The following PRELID2 variants were observed in gnomAD, a reference collection of about 807,000 sequenced individuals.
PRELID2 encodes PRELI domain-containing protein 2.
PRELID2 carries 25 observed loss-of-function variants against 28.4 expected under a neutral mutation model. That is an observed-to-expected ratio of 0.88 (90% confidence interval 0.64 to 1.23). The LOEUF (loss-of-function observed/expected upper bound fraction) is 1.23, where lower values mean the gene tolerates loss of function less well. PRELID2 is among the 50% of genes most tolerant of loss of function. The pLI, the probability that PRELID2 is intolerant of heterozygous loss-of-function variation, is 0.00. For missense variants in PRELID2, 201 were observed against 214.4 expected, an observed-to-expected ratio of 0.94 and a Z score of 0.39; for synonymous variants, 76 against 71.6, an observed-to-expected ratio of 1.06 and a Z score of -0.31.
intron 1 of PRELID2, among the ~76,000 whole-genome samples, chr5:145,677,230 C>T (rs906958019): frequency 6.9e-6 from 1 of 145,674 alleles, no homozygotes; most frequent in African/African-American, 2.5e-5. Context: ...TCTTGGCTCA[C>T]TGCAATCTCT....
chr5:145,576,327 G>A (rs1753059840), intron 1 of PRELID2, among the ~76,000 whole-genome samples: 1 of 151,906 alleles, frequency 6.6e-6, no homozygotes, highest in African/African-American at 2.4e-5. Context: ...TGTCTCTATG[G>A]GCTTGCCTGT....
chr5:145,229,318 C>A, the PRELID2 span: 1 of 744,356 alleles, frequency 1.3e-6, no homozygotes, highest in South Asian at 1.3e-5. Context: ...CAAAGCAACA[C>A]GGGATTCCCA....
chr5:145,501,802 G>C (rs1234162588), intron 1 of PRELID2, among the ~76,000 whole-genome samples: 1 of 152,170 alleles, frequency 6.6e-6, no homozygotes. Context: ...CCCTGTTGGA[G>C]CAGCTCTCTG....
chr5:145,656,639 A>C (rs1201789548), intron 1 of PRELID2, among the ~76,000 whole-genome samples: 2 of 151,930 alleles, frequency 1.3e-5, no homozygotes, highest in Non-Finnish European at 2.9e-5. Flanking sequence ...ATTCTCAGCA[A>C]ACTATCGCAA....
chr5:145,621,932 T>C (rs1753779893), intron 1 of PRELID2, among the ~76,000 whole-genome samples: 1 of 152,138 alleles, frequency 6.6e-6, no homozygotes, highest in African/African-American at 2.4e-5. Context: ...TGTATTAAAA[T>C]ATCACTTTGT....
intron 1 of PRELID2, among the ~76,000 whole-genome samples, chr5:145,656,358 T>C (rs962828041): frequency 6.6e-6 from 1 of 152,146 alleles, no homozygotes; most frequent in African/African-American, 2.4e-5. Flanking sequence ...TCCTCAATGA[T>C]CTAGAACTAG....
At chr5:145,499,216 C>G (rs1752336929) in intron 1 of PRELID2, among the ~76,000 whole-genome samples, 1 of 151,992 alleles carries the variant, frequency 6.6e-6, no homozygotes, top group Non-Finnish European at 1.5e-5. Context: ...CTACTGCACT[C>G]CAGCCTAGAC....
intron 1 of PRELID2, among the ~76,000 whole-genome samples, chr5:145,714,419 A>AT (rs1477413157): frequency 6.6e-6 from 1 of 152,112 alleles, no homozygotes; most frequent in Non-Finnish European, 1.5e-5. Context: ...TCCCTGAAGT[A>AT]TCTTCCCTCC....
the PRELID2 span, among the ~76,000 whole-genome samples, chr5:145,315,640 A>G: frequency 6.6e-6 from 1 of 151,910 alleles, no homozygotes; most frequent in Non-Finnish European, 1.5e-5. Context: ...ATCCTCACAC[A>G]TATCCACCAA....
intron 1 of PRELID2, among the ~76,000 whole-genome samples, chr5:145,563,486 A>T (rs1752940820): frequency 6.6e-6 from 1 of 152,186 alleles, no homozygotes; most frequent in Non-Finnish European, 1.5e-5. Context: ...TGATAAATGC[A>T]ACATCCTGCT....
At chr5:145,731,115 T>A (rs1175218893) in intron 1 of PRELID2, among the ~76,000 whole-genome samples, 4 of 152,244 alleles carry the variant, frequency 2.6e-5, no homozygotes, top group Non-Finnish European at 5.9e-5. Flanking sequence ...TCGTGTTTCT[T>A]TCCTCTTTAA....
intron 1 of PRELID2, among the ~76,000 whole-genome samples, chr5:145,670,559 G>C (rs1048934410): frequency 6.6e-6 from 1 of 152,152 alleles, no homozygotes; most frequent in Non-Finnish European, 1.5e-5. Context: ...GAGTGCTCAA[G>C]ATATACTGGT....
chr5:145,728,418 C>T (rs1756238210), intron 1 of PRELID2: 1 of 539,482 alleles, frequency 1.9e-6, no homozygotes. Context: ...ACACTTCAAG[C>T]TTCAGCAAGA....
At chr5:145,590,424 A>G (rs913703525) in intron 1 of PRELID2, among the ~76,000 whole-genome samples, 1 of 152,060 alleles carries the variant, frequency 6.6e-6, no homozygotes, top group Non-Finnish European at 1.5e-5. Flanking sequence ...TTATTTATTT[A>G]TTTATTGTTT....
At chr5:145,523,623 G>C (rs554678072) in intron 1 of PRELID2, among the ~76,000 whole-genome samples, 50 of 152,218 alleles carry the variant, frequency 3.3e-4, no homozygotes, top group African/African-American at 1.1e-3. Context: ...GGTTGGGTTG[G>C]GGAGGGGAAG....
chr5:145,340,764 AATATACATATATATATATAT>A, the PRELID2 span, among the ~76,000 whole-genome samples: 1 of 79,212 alleles, frequency 1.3e-5, no homozygotes, highest in Non-Finnish European at 2.5e-5. Flanking sequence ...CCTGCCTAAA[AATATACATATATATATATAT>A]ATATATATAT....
chr5:145,743,199 A>C (rs1756885265), intron 1 of PRELID2, among the ~76,000 whole-genome samples: 1 of 151,992 alleles, frequency 6.6e-6, no homozygotes, highest in Non-Finnish European at 1.5e-5. Flanking sequence ...ACCTGAGGTC[A>C]GGAGTTCAAG....
the PRELID2 span, among the ~76,000 whole-genome samples, chr5:145,407,323 C>A: frequency 6.6e-6 from 1 of 152,162 alleles, no homozygotes; most frequent in African/African-American, 2.4e-5. Context: ...CTGGATAAGG[C>A]CTGTCACTTC....
intron 1 of PRELID2, among the ~76,000 whole-genome samples, chr5:145,604,961 T>C (rs1753481073): frequency 6.8e-6 from 1 of 147,310 alleles, no homozygotes; most frequent in Non-Finnish European, 1.5e-5. Flanking sequence ...TTTGAATATA[T>C]ATATATTCTT....
Sources: gnomAD v4.1 joint callset for allele counts (sites outside exome capture counted in the v4.1 genomes callset) on GRCh38, gnomAD v4.1.1 for gene constraint, MANE v1.5 for transcripts, NCBI Gene and HGNC (gene_info 2026-07-23, HGNC 2026-07-21) for gene names.